SLC9A7: variants seen among roughly 807,000 people sequenced by gnomAD.
SLC9A7 encodes solute carrier family 9 member A7, also known as sodium/hydrogen exchanger 7.
SLC9A7 carries 19 observed loss-of-function variants against 52.6 expected under a neutral mutation model. The observed-to-expected ratio is 0.36, with a 90% CI of 0.25 to 0.53. The LOEUF is 0.53. Among genes scored for constraint, SLC9A7 ranks in the 20% least tolerant of loss-of-function variants. SLC9A7 has a pLI of 0.91. For synonymous variants in SLC9A7, 226 were observed against 252.1 expected (o/e 0.90, Z 0.98); for missense variants, 455 against 597.9 (o/e 0.76, Z 2.49).
intron 2 of SLC9A7, among the ~76,000 whole-genome samples, chrX:46,681,617 G>C (rs1944210715): frequency 1.8e-5 from 2 of 111,998 alleles, no homozygotes; most frequent in Non-Finnish European, 3.8e-5. Context: ...CCACAACCTG[G>C]ATCTCCCAAG....
At chrX:46,731,311 G>T (rs1453321335) in intron 1 of SLC9A7, among the ~76,000 whole-genome samples, 1 of 108,573 alleles carries the variant, frequency 9.2e-6, no homozygotes, top group African/African-American at 3.3e-5. Flanking sequence ...AAAAAAATGG[G>T]CCAGGTATAG....
Position 46,602,259 on chromosome X carries a change from T to A in SLC9A7, c.*4693A>T, listed in dbSNP as rs769698041. 8.9e-6 allele frequency: 1 copy of A among 112,087 alleles called. No homozygotes were observed. The highest frequency in any genetic ancestry group is 3.2e-5 in the African/African-American group (1 of 30,865). The allele number at this position is 112,087 out of a possible 1,213,427, so 9.2% of individuals were successfully genotyped here. On this transcript the variant is annotated 3_prime_UTR_variant, in exon 17 of 17. Transcript: ENST00000616978. The stretch of plus-strand genomic sequence containing the variant: ...CTTTTCAGCTGTACTTTATGGAGTA[T>A]GTTCTTGAGTTCTGCAAAGATTAGC...
intron 5 of SLC9A7, among the ~76,000 whole-genome samples, chrX:46,668,567 C>G (rs1943962051): frequency 9.0e-6 from 1 of 111,181 alleles, no homozygotes; most frequent in African/African-American, 3.3e-5. Flanking sequence ...TATTATTCAG[C>G]CTTAAAGGTT....
chrX:46,758,506 A>T (rs1922847894), intron 1 of SLC9A7, among the ~76,000 whole-genome samples, 199 bp downstream of exon 1: 1 of 111,888 alleles, frequency 8.9e-6, no homozygotes, highest in South Asian at 3.7e-4. Context: ...AGAAACGTGG[A>T]ATAGGGGTGG....
chrX:46,719,045 C>CA (rs1319293700), intron 1 of SLC9A7, among the ~76,000 whole-genome samples: 2 of 111,336 alleles, frequency 1.8e-5, no homozygotes, highest in Non-Finnish European at 3.8e-5. Flanking sequence ...GGAGCCAACC[C>CA]AAATGTCCAT....
chrX:46,646,674 G>A (rs773306116), intron 11 of SLC9A7: 27 of 274,435 alleles, frequency 9.8e-5, no homozygotes, highest in Non-Finnish European at 1.3e-4. Flanking sequence ...AACTGCATGC[G>A]CCTGATGTGC....
intron 14 of SLC9A7, among the ~76,000 whole-genome samples, chrX:46,623,717 G>A (rs771425893): frequency 2.7e-5 from 3 of 112,183 alleles, no homozygotes. Context: ...GGGGCATTAT[G>A]AGGCTGTAAT....
intron 1 of SLC9A7, among the ~76,000 whole-genome samples, chrX:46,690,592 A>G (rs1020793105): frequency 3.4e-4 from 38 of 112,268 alleles, no homozygotes; most frequent in African/African-American, 1.1e-3. Flanking sequence ...TCTTTGGCAG[A>G]GCAAAATTTT....
chrX:46,660,798 T>C (rs1174192152), intron 7 of SLC9A7, among the ~76,000 whole-genome samples: 2 of 108,637 alleles, frequency 1.8e-5, no homozygotes, highest in Non-Finnish European at 3.8e-5. Context: ...TCAACCATTG[T>C]GGAAGTCAGT....
chrX:46,605,920 C>T lies in SLC9A7; in HGVS notation c.*1032G>A, dbSNP rs1048684340. On this transcript the variant is annotated 3_prime_UTR_variant, in exon 17 of 17. Transcript: ENST00000616978. ...CCTGTAATCCCAGCACTTTGGGAGG[C>T]CAAGGGAGGTGGATCACGAGGTCAG... The T allele has an allele frequency of 1.8e-5, 2 of 111,603 alleles. No homozygotes were observed. The highest frequency in any genetic ancestry group is 6.5e-5 in the African/African-American group (2 of 30,678). The allele number at this position is 111,603 out of a possible 1,213,427, so 9.2% of individuals were successfully genotyped here.
chrX:46,629,735 G>A (rs1943191713), intron 14 of SLC9A7, among the ~76,000 whole-genome samples: 1 of 111,431 alleles, frequency 9.0e-6, no homozygotes, highest in African/African-American at 3.3e-5. Flanking sequence ...TTTAGAATAG[G>A]GCAGCCATGT....
intron 1 of SLC9A7, among the ~76,000 whole-genome samples, chrX:46,726,956 G>A (rs965108593): frequency 2.7e-5 from 3 of 111,699 alleles, no homozygotes; most frequent in African/African-American, 9.8e-5. Context: ...CCCAGTGGAG[G>A]GGCAGCTCCA....
chrX:46,611,327 A>G (rs768740210), intron 16 of SLC9A7, among the ~76,000 whole-genome samples: 1 of 112,591 alleles, frequency 8.9e-6, no homozygotes, highest in East Asian at 2.8e-4. Flanking sequence ...TTTAAAACTT[A>G]CCGCAAGCAT....
At chrX:46,613,752 G>A (rs1366933653) in intron 15 of SLC9A7, among the ~76,000 whole-genome samples, 4 of 111,913 alleles carry the variant, frequency 3.6e-5, no homozygotes, top group Non-Finnish European at 7.5e-5. Flanking sequence ...CTTGGAAACA[G>A]GAGATAGTGT....
intron 1 of SLC9A7, among the ~76,000 whole-genome samples, chrX:46,726,123 C>T (rs895872694): frequency 9.0e-6 from 1 of 110,760 alleles, no homozygotes; most frequent in Non-Finnish European, 1.9e-5. Flanking sequence ...AGCCATGGCT[C>T]ACTCCTGCAA....
At chrX:46,702,977 T>C (rs1278282423) in intron 1 of SLC9A7, among the ~76,000 whole-genome samples, 2 of 112,364 alleles carry the variant, frequency 1.8e-5, no homozygotes, top group Admixed American at 9.4e-5. Context: ...CCATTCTGAC[T>C]GGTATGGAAG....
At chrX:46,607,235 A>G (rs1404572286) in intron 16 of SLC9A7, 32 bp from the exon 17 acceptor site, 1 of 1,194,124 alleles carries the variant, frequency 8.4e-7, no homozygotes, top group Non-Finnish European at 1.1e-6. Context: ...AACAACAAAA[A>G]TGAGAGACTG....
chrX:46,718,375 A>G (rs890299423), intron 1 of SLC9A7, among the ~76,000 whole-genome samples: 1 of 112,172 alleles, frequency 8.9e-6, no homozygotes, highest in African/African-American at 3.3e-5. Flanking sequence ...ACCATTCAGG[A>G]CACAGGCCTG....
At chrX:46,735,982 T>C (rs1945115461) in intron 1 of SLC9A7, among the ~76,000 whole-genome samples, 1 of 111,773 alleles carries the variant, frequency 8.9e-6, no homozygotes, top group Non-Finnish European at 1.9e-5. Flanking sequence ...ATTGTTTTGG[T>C]ATTTATCTTG....
Sources: allele counts gnomAD v4.1 joint callset (sites outside exome capture counted in the v4.1 genomes callset), GRCh38; gene constraint gnomAD v4.1.1; transcripts MANE v1.5; gene names NCBI Gene and HGNC (gene_info 2026-07-23, HGNC 2026-07-21).